KCNN2: variants seen among roughly 807,000 people sequenced by gnomAD.
KCNN2 encodes potassium calcium-activated channel subfamily N member 2.
A neutral mutation model predicts 55.5 loss-of-function variants in KCNN2; 24 were observed. That is an observed-to-expected ratio of 0.43 (90% CI 0.31 to 0.61). The LOEUF is 0.61. KCNN2 is among the 20% of genes least tolerant of loss of function. KCNN2 has a pLI of 0.08. For missense variants in KCNN2, 754 were observed against 853.6 expected (o/e 0.88, Z 1.45); for synonymous variants, 431 against 336.1 (o/e 1.28, Z -3.09).
intron 2 of KCNN2, among the ~76,000 whole-genome samples, chr5:114,229,273 T>C (rs1334893196): frequency 6.6e-6 from 1 of 151,804 alleles, no homozygotes; most frequent in Non-Finnish European, 1.5e-5. Context: ...TCTTTTATTA[T>C]CTACTAAGAT....
intron 1 of KCNN2, among the ~76,000 whole-genome samples, chr5:114,095,696 T>C: frequency 6.6e-6 from 1 of 152,160 alleles, no homozygotes; most frequent in Non-Finnish European, 1.5e-5. Context: ...ACAGCAGGCT[T>C]CCTCTAGGGC....
chr5:114,282,861 C>T (rs1399065622), intron 2 of KCNN2, among the ~76,000 whole-genome samples: 1 of 152,106 alleles, frequency 6.6e-6, no homozygotes, highest in Non-Finnish European at 1.5e-5. Context: ...AATTCAATTC[C>T]ATTTCTAACT....
chr5:114,407,274 A>G (rs1049837426), intron 3 of KCNN2, among the ~76,000 whole-genome samples: 1 of 151,716 alleles, frequency 6.6e-6, no homozygotes, highest in Non-Finnish European at 1.5e-5. Flanking sequence ...ATTATTCCCT[A>G]ATTTTCTTAT....
At chr5:114,465,158 G>T (rs1489275205) in intron 4 of KCNN2, among the ~76,000 whole-genome samples, 1 of 152,172 alleles carries the variant, frequency 6.6e-6, no homozygotes, top group Non-Finnish European at 1.5e-5. Context: ...GGTTAACCTT[G>T]CCTGGGTTTT....
chr5:114,139,900 T>G lies in KCNN2; in HGVS notation c.-270-81580T>G, dbSNP rs1752241858. Among the ~76,000 whole-genome samples, 3 of 151,294 alleles carry G rather than the reference T, an allele frequency of 2.0e-5. No homozygotes were observed. The South Asian group carries it at 6.3e-4, about 32-fold the overall frequency. ...ATCTGCATACCTGGGTAAGACTGAA[T>G]TTTTTTTTCATAGACTTCAACCAAA... is the stretch of plus-strand genomic sequence containing the variant. On this transcript the variant is annotated intron_variant, in intron 1 of 10. Transcript: ENST00000512097.
At chr5:114,238,410 G>T (rs1198697932) in intron 2 of KCNN2, among the ~76,000 whole-genome samples, 4 of 152,040 alleles carry the variant, frequency 2.6e-5, no homozygotes, top group African/African-American at 9.7e-5. Context: ...TGGATTGTCT[G>T]AGCTCAGGAG....
At chr5:114,245,245 T>C (rs1382068566) in intron 2 of KCNN2, among the ~76,000 whole-genome samples, 1 of 152,252 alleles carries the variant, frequency 6.6e-6, no homozygotes, top group Non-Finnish European at 1.5e-5. Flanking sequence ...ACTGCAGTTG[T>C]ATTCGTATGT....
intron 3 of KCNN2, among the ~76,000 whole-genome samples, chr5:114,456,343 G>C (rs1250685163): frequency 6.6e-6 from 1 of 152,154 alleles, no homozygotes; most frequent in Non-Finnish European, 1.5e-5. Flanking sequence ...TCTGTTTATA[G>C]CATCATTTAC....
At chr5:114,471,488 G>A (rs562555752) in intron 4 of KCNN2, among the ~76,000 whole-genome samples, 8 of 152,082 alleles carry the variant, frequency 5.3e-5, no homozygotes, top group African/African-American at 1.4e-4. Context: ...TCATGTATAC[G>A]GAACCCATGG....
intron 1 of KCNN2, among the ~76,000 whole-genome samples, chr5:114,139,517 C>T (rs924284186): frequency 6.7e-6 from 1 of 148,206 alleles, no homozygotes; most frequent in African/African-American, 2.5e-5. Context: ...CATATCATTT[C>T]TTAAAACACA....
chr5:114,472,097 C>T (rs1357724475), intron 4 of KCNN2, among the ~76,000 whole-genome samples: 1 of 152,148 alleles, frequency 6.6e-6, no homozygotes, highest in Admixed American at 6.5e-5. Flanking sequence ...GGTGTGACTT[C>T]CCTTTCACAG....
chr5:114,060,543 C>G (rs1750304233), intron 1 of KCNN2, among the ~76,000 whole-genome samples: 1 of 152,198 alleles, frequency 6.6e-6, no homozygotes, highest in African/African-American at 2.4e-5. Flanking sequence ...CCCATTCTCA[C>G]TAATGATAAA....
At chr5:114,490,907 A>G (rs1432063249) in intron 6 of KCNN2, among the ~76,000 whole-genome samples, 1 of 152,194 alleles carries the variant, frequency 6.6e-6, no homozygotes, top group Non-Finnish European at 1.5e-5. Context: ...GAAAAGTGTA[A>G]TACACATCTG....
chr5:114,388,971 T>C (rs1034177880), intron 2 of KCNN2, among the ~76,000 whole-genome samples: 1 of 152,166 alleles, frequency 6.6e-6, no homozygotes, highest in East Asian at 1.9e-4. Flanking sequence ...AGGCTTTGCA[T>C]TGTGTTGTAA....
intron 3 of KCNN2, among the ~76,000 whole-genome samples, chr5:114,435,054 G>A (rs1759954611): frequency 6.6e-6 from 1 of 152,010 alleles, no homozygotes; most frequent in Admixed American, 6.6e-5. Flanking sequence ...AGATCCTATT[G>A]GAGCTCCTGG....
At chr5:114,494,235 A>G (rs1386858239) in intron 7 of KCNN2, among the ~76,000 whole-genome samples, 2 of 142,484 alleles carry the variant, frequency 1.4e-5, no homozygotes, top group South Asian at 2.4e-4. Flanking sequence ...GAAAGAGGCA[A>G]CTCTCAGTTG....
chr5:114,211,806 A>G (rs957369391), intron 1 of KCNN2, among the ~76,000 whole-genome samples: 2 of 152,172 alleles, frequency 1.3e-5, no homozygotes, highest in African/African-American at 4.8e-5. Context: ...CCTTATTTCT[A>G]TCCTTACTAC....
chr5:114,070,951 A>C (rs924590062), intron 1 of KCNN2, among the ~76,000 whole-genome samples: 5 of 152,216 alleles, frequency 3.3e-5, no homozygotes, highest in African/African-American at 1.2e-4. Context: ...ACATATTCGT[A>C]TATTACCTGA....
At chr5:114,203,865 G>A (rs1753721346) in intron 1 of KCNN2, among the ~76,000 whole-genome samples, 1 of 152,086 alleles carries the variant, frequency 6.6e-6, no homozygotes, top group Non-Finnish European at 1.5e-5. Context: ...AAACTATACC[G>A]AATAAAGACT....
Sources: allele counts gnomAD v4.1 joint callset (sites outside exome capture counted in the v4.1 genomes callset), GRCh38; gene constraint gnomAD v4.1.1; transcripts MANE v1.5; gene names NCBI Gene and HGNC (gene_info 2026-07-23, HGNC 2026-07-21).